Variants in SIL1 observed in about 807,000 individuals in gnomAD.
The protein encoded by SIL1 is nucleotide exchange factor SIL1.
Under a neutral mutation model 49.1 loss-of-function variants are expected in SIL1, and 40 were observed. The observed-to-expected ratio is 0.81, with a 90% confidence interval of 0.63 to 1.06. The LOEUF is 1.06. Among genes scored for constraint, SIL1 ranks in the 50% least tolerant of loss-of-function variants. SIL1 has a pLI of 0.00. For missense variants in SIL1, 500 were observed against 572.6 expected (o/e 0.87, Z 1.29); for synonymous variants, 253 against 250.8 (o/e 1.01, Z -0.08).
chr5:138,956,327 C>A (rs1489965477), intron 7 of SIL1, among the ~76,000 whole-genome samples: 1 of 152,150 alleles, frequency 6.6e-6, no homozygotes, highest in East Asian at 1.9e-4. Context: ...TAATGTGTGG[C>A]CTCCATCATC....
chr5:139,017,160 A>C (rs1013824884), intron 7 of SIL1: 1 of 152,288 alleles, frequency 6.6e-6, no homozygotes, highest in Admixed American at 6.5e-5. Context: ...TCAAAGAGTT[A>C]AAATTAATTG....
intron 7 of SIL1, among the ~76,000 whole-genome samples, chr5:139,010,418 A>G (rs376416916): frequency 2.8e-4 from 43 of 151,258 alleles, no homozygotes; most frequent in South Asian, 1.9e-3. Context: ...ATGTCCTCCC[A>G]TAGCTCAGAG....
chr5:139,048,312 C>T (rs2150451112), intron 4 of SIL1, among the ~76,000 whole-genome samples: 2 of 151,410 alleles, frequency 1.3e-5, no homozygotes, highest in Admixed American at 1.3e-4. Context: ...ACACACCACA[C>T]ACCCAGCTAA....
At chr5:139,001,830 G>A (rs1164570763) in intron 7 of SIL1, among the ~76,000 whole-genome samples, 9 of 152,178 alleles carry the variant, frequency 5.9e-5, no homozygotes, top group Admixed American at 3.9e-4. Flanking sequence ...GTGTGAACCC[G>A]GGAGGCAGAG....
At chr5:139,152,602 T>C (rs1433775094) in intron 1 of SIL1, among the ~76,000 whole-genome samples, 3 of 140,164 alleles carry the variant, frequency 2.1e-5, no homozygotes, top group South Asian at 2.2e-4. Context: ...GCCTGGGTGA[T>C]AGAGTGAGAC....
At chr5:139,161,179 G>A (rs1409922664) in intron 1 of SIL1, among the ~76,000 whole-genome samples, 1 of 152,146 alleles carries the variant, frequency 6.6e-6, no homozygotes, top group East Asian at 1.9e-4. Flanking sequence ...GGAGGCAGAG[G>A]TTGCGATGAA....
In SIL1 at chr5:138,947,574, G is replaced by A; in HGVS notation, c.1030-101C>T. 1 of 1,035,448 alleles carries A rather than the reference G, an allele frequency of 9.7e-7. No homozygotes were observed. Among genetic ancestry groups the A allele is most frequent in the Non-Finnish European group, 1.5e-6 (1 of 660,646 alleles). The allele number at this position is 1,035,448 out of a possible 1,614,324, so 64.1% of individuals were successfully genotyped here. A position where few individuals can be genotyped will look rare whatever the true frequency, so the allele number is the denominator to read the frequency against. ...CTGGCTAGCTCTGCCCTTCAGACAG[G>A]AAGGCACGAGGCTGACCCCTGAGGG... On this transcript the variant is annotated intron_variant, in intron 9 of 9. Transcript: ENST00000394817. The surrounding 1 kb of genome is among the most constrained non-coding windows in gnomAD (Gnocchi z 4.1).
intron 1 of SIL1, among the ~76,000 whole-genome samples, chr5:139,132,046 TAC>T (rs372197238): frequency 2.0e-5 from 3 of 151,392 alleles, no homozygotes; most frequent in Admixed American, 6.6e-5. Flanking sequence ...CTCATGTGTA[TAC>T]ACACACACAC....
intron 1 of SIL1, among the ~76,000 whole-genome samples, chr5:139,183,021 T>C (rs948764561): frequency 6.6e-6 from 1 of 152,230 alleles, no homozygotes; most frequent in African/African-American, 2.4e-5. Flanking sequence ...GAACTGTGAC[T>C]TGATGGTCTC....
chr5:139,043,082 G>A (rs996953601), intron 4 of SIL1, among the ~76,000 whole-genome samples: 2 of 152,198 alleles, frequency 1.3e-5, no homozygotes, highest in Non-Finnish European at 2.9e-5. Flanking sequence ...AGTGAGGCCA[G>A]GCCAGCTGAG....
At chr5:139,185,312 C>G (rs1436789642) in intron 1 of SIL1, among the ~76,000 whole-genome samples, 1 of 152,164 alleles carries the variant, frequency 6.6e-6, no homozygotes, top group Non-Finnish European at 1.5e-5. Context: ...CACCCAAGAC[C>G]CTGAACTAAT....
At chr5:139,100,071 C>A (rs953398250) in intron 3 of SIL1, among the ~76,000 whole-genome samples, 1 of 152,168 alleles carries the variant, frequency 6.6e-6, no homozygotes, top group African/African-American at 2.4e-5. Context: ...AATGTATGCA[C>A]AAAAAGTAAC....
At chr5:138,985,844 C>G (rs553896014) in intron 7 of SIL1, among the ~76,000 whole-genome samples, 1 of 152,170 alleles carries the variant, frequency 6.6e-6, no homozygotes, top group South Asian at 2.1e-4. Flanking sequence ...TGGGCGGGAA[C>G]GTGGACTTCC....
At chr5:139,029,865 A>T (rs993927625) in intron 5 of SIL1, among the ~76,000 whole-genome samples, 1 of 151,394 alleles carries the variant, frequency 6.6e-6, no homozygotes, top group African/African-American at 2.4e-5. Flanking sequence ...CCATAGTCCT[A>T]ACTACTCAGG....
intron 1 of SIL1, among the ~76,000 whole-genome samples, chr5:139,166,590 G>A (rs2151812957): frequency 6.6e-6 from 1 of 152,300 alleles, no homozygotes; most frequent in East Asian, 1.9e-4. Flanking sequence ...CAAGGAATTT[G>A]GGGTTGCAGT....
chr5:139,137,329 G>C (rs372560852), intron 1 of SIL1: 48 of 702,434 alleles, frequency 6.8e-5, no homozygotes, highest in African/African-American at 5.4e-4. Context: ...GTTAAGTAAC[G>C]TGCCAGAGTT....
At chr5:139,058,970 A>ATGTGTGTGTGTGTGTG (rs61070788) in intron 3 of SIL1, among the ~76,000 whole-genome samples, 33,935 of 150,168 alleles carry the variant, frequency 0.23, 4,199 homozygotes, top group Middle Eastern at 0.35. Context: ...AGAAATGTGT[A>ATGTGTGTGTGTGTGTG]TGTGTGTGTG....
At chr5:138,974,636 G>T (rs1486966232) in intron 7 of SIL1, among the ~76,000 whole-genome samples, 2 of 152,180 alleles carry the variant, frequency 1.3e-5, no homozygotes, top group Admixed American at 6.5e-5. Flanking sequence ...AGAACATTCG[G>T]TATGGAAAGT....
intron 3 of SIL1, among the ~76,000 whole-genome samples, chr5:139,094,404 G>T (rs1770409886): frequency 6.6e-6 from 1 of 152,206 alleles, no homozygotes; most frequent in South Asian, 2.1e-4. Context: ...TCCACTCAGG[G>T]CTTACATTCT....
Sources: allele counts gnomAD v4.1 joint callset (sites outside exome capture counted in the v4.1 genomes callset), GRCh38; gene constraint gnomAD v4.1.1; non-coding constraint Gnocchi (gnomAD v3.1); transcripts MANE v1.5; gene names NCBI Gene and HGNC (gene_info 2026-07-23, HGNC 2026-07-21).